PCDHGA3: variants seen among roughly 807,000 people sequenced by gnomAD.
The protein encoded by PCDHGA3 is protocadherin gamma subfamily A, 3.
PCDHGA3 carries 40 observed loss-of-function variants against 58.5 expected under a neutral mutation model. The ratio of observed to expected loss-of-function variants is 0.68; its 90% CI spans 0.53 to 0.89. The LOEUF is 0.89. Ranked by LOEUF, PCDHGA3 falls within the 40% of genes least tolerant of loss-of-function variation. The probability of loss-of-function intolerance (pLI) is 0.00; values close to 1 mark genes in which losing one functional copy is unlikely to be tolerated. For synonymous variants in PCDHGA3, 530 were observed against 525.7 expected (o/e 1.01, Z -0.11); for missense variants, 1,223 against 1,195.9 (o/e 1.02, Z -0.33).
In PCDHGA3 at chr5:141,476,737, G is replaced by A. The variant is rs1420138912; in HGVS notation, c.2425-18070G>A. ...AGCGCGCCCTGGACCGAGAACGGGA[G>A]CCTAGTCTCCAGTTAGTGCTGACGG... is the stretch of plus-strand genomic sequence containing the variant. On this transcript the variant is annotated intron_variant, in intron 1 of 3. Coordinates refer to ENST00000253812, the MANE Select transcript of PCDHGA3 (RefSeq NM_018916.4). This position sits in a 1 kb window ranked among gnomAD's most constrained non-coding sequence, Gnocchi z 7.6. The A allele has an allele frequency of 3.1e-6, 5 of 1,613,982 alleles. No individual in the cohort carries two copies. Among genetic ancestry groups the A allele is most frequent in the Non-Finnish European group, 4.2e-6 (5 of 1,180,038 alleles).
chr5:141,372,611 T>C, intron 1 of PCDHGA3: 5 of 1,613,998 alleles, frequency 3.1e-6, no homozygotes, highest in Non-Finnish European at 4.2e-6. Flanking sequence ...TACCTGGAGT[T>C]CTCCCCACCT....
chr5:141,445,245 T>C (rs2098460607), intron 1 of PCDHGA3, among the ~76,000 whole-genome samples: 1 of 152,212 alleles, frequency 6.6e-6, no homozygotes, highest in Non-Finnish European at 1.5e-5. Flanking sequence ...TTACACTATA[T>C]TGTGTGAGAA....
At chr5:141,400,003 C>G (rs2093938557) in intron 1 of PCDHGA3, 1 of 1,612,278 alleles carries the variant, frequency 6.2e-7, no homozygotes, top group Non-Finnish European at 8.5e-7. Context: ...GCGCACAGCG[C>G]GTGCCTTGGG....
rs562156266 is a variant in PCDHGA3, at chr5:141,467,826, T to C, written c.2425-26981T>C. On this transcript the variant is annotated intron_variant, in intron 1 of 3. Transcript: ENST00000253812. ...GGCACATGCCACCACACCAGGCTGA[T>C]TTTTATATTTTTTTGTAGAATGAGA... Among the ~76,000 whole-genome samples, 96 of 151,894 alleles carry C rather than the reference T, an allele frequency of 6.3e-4. 3 individuals carry two copies. Among genetic ancestry groups the C allele is most frequent in the Admixed American group, 6.2e-3 (95 of 15,236 alleles).
intron 1 of PCDHGA3, among the ~76,000 whole-genome samples, chr5:141,467,254 T>C (rs1291193879): frequency 2.0e-5 from 3 of 152,248 alleles, no homozygotes; most frequent in Admixed American, 6.5e-5. Flanking sequence ...GGTTTCACCA[T>C]GTTGGCCAGG....
At chr5:141,405,648 G>T (rs936380418) in intron 1 of PCDHGA3, 5 of 523,616 alleles carry the variant, frequency 9.5e-6, no homozygotes, top group African/African-American at 3.9e-5. Context: ...CTAATTTTTT[G>T]TGTGTTTTTA....
intron 1 of PCDHGA3, chr5:141,399,416 C>T: frequency 6.2e-7 from 1 of 1,614,046 alleles, no homozygotes; most frequent in African/African-American, 1.3e-5. Context: ...CCCCTCTCCT[C>T]CAGCATAAGC....
chr5:141,365,788 A>T, intron 1 of PCDHGA3: 1 of 1,613,878 alleles, frequency 6.2e-7, no homozygotes, highest in South Asian at 1.1e-5. Flanking sequence ...ACAACGCTCG[A>T]GTCACCTACT....
intron 1 of PCDHGA3, among the ~76,000 whole-genome samples, chr5:141,462,650 TC>T (rs1254671361): frequency 7.3e-6 from 1 of 137,262 alleles, no homozygotes; most frequent in African/African-American, 3.0e-5. Context: ...ATTTCCATCC[TC>T]AATTATCTTC....
chr5:141,348,789 G>T (rs1758180125), intron 1 of PCDHGA3, among the ~76,000 whole-genome samples: 2 of 152,184 alleles, frequency 1.3e-5, no homozygotes, highest in South Asian at 4.1e-4. Context: ...AAGTGAAAAG[G>T]TATCTTAAGA....
intron 1 of PCDHGA3, chr5:141,413,151 T>G (rs1192899612): frequency 6.4e-7 from 1 of 1,573,560 alleles, no homozygotes; most frequent in Non-Finnish European, 8.6e-7. Context: ...GTGAGGACTT[T>G]GCAGAATTCT....
rs372656276 is a variant in PCDHGA3, at chr5:141,415,107, A to G, written c.2424+68650A>G. ...TGCTGGACAGAGACGCGCTCAAGCA[A>G]AGCCTCGTAGTGGCCGTCCAGGACC... is the stretch of plus-strand genomic sequence containing the variant. On this transcript the variant is annotated intron_variant, in intron 1 of 3. Transcript: ENST00000253812. 1,052 of 1,613,570 alleles carry G rather than the reference A, an allele frequency of 6.5e-4. 7 individuals carry two copies. The African/African-American group carries it at 8.4e-3, about 13-fold the overall frequency.
At position 141,485,133 on chromosome 5, in the gene PCDHGA3, C is replaced by A; in HGVS notation, c.2425-9674C>A. On this transcript the variant is annotated intron_variant, in intron 1 of 3. Transcript: ENST00000253812. The surrounding 1 kb of genome is among the most constrained non-coding windows in gnomAD (Gnocchi z 5.7). Reference sequence around the variant, plus strand: ...GCTGTTTGGGGCGGGTCGGCTTCATCCGCGTCTCAGGAGCAAGTAGAGAAT... The same window carrying A: ...GCTGTTTGGGGCGGGTCGGCTTCATACGCGTCTCAGGAGCAAGTAGAGAAT... The A allele has an allele frequency of 2.7e-6, 4 of 1,492,492 alleles. No homozygotes were observed. The highest frequency in any genetic ancestry group is 1.7e-5 in the Admixed American group (1 of 58,334). The allele number at this position is 1,492,492 out of a possible 1,614,324, so 92.5% of individuals were successfully genotyped here.
intron 1 of PCDHGA3, chr5:141,423,421 G>A (rs772863950): frequency 1.2e-6 from 2 of 1,614,080 alleles, no homozygotes; most frequent in Non-Finnish European, 1.7e-6. Flanking sequence ...TTCTGAAGGC[G>A]GGTTGGCAGG....
chr5:141,353,400 T>C (rs1407556108), intron 1 of PCDHGA3, among the ~76,000 whole-genome samples: 1 of 152,244 alleles, frequency 6.6e-6, no homozygotes, highest in Admixed American at 6.5e-5. Context: ...GTAATTAATG[T>C]AATCTTCATC....
chr5:141,372,118 T>C (rs937548053), intron 1 of PCDHGA3: 3 of 1,613,628 alleles, frequency 1.9e-6, no homozygotes, highest in Non-Finnish European at 2.5e-6. Context: ...TCTGCGCTCT[T>C]CGATATGGTG....
At chr5:141,410,746 C>T in intron 1 of PCDHGA3, 1 of 1,269,920 alleles carries the variant, frequency 7.9e-7, no homozygotes, top group Non-Finnish European at 1.1e-6. Flanking sequence ...ACAATATTTT[C>T]TCAATGTTTT....
rs753030509 is a variant in PCDHGA3, at chr5:141,431,672, G to A, written c.2425-63135G>A. On this transcript the variant is annotated intron_variant, in intron 1 of 3. Transcript: ENST00000253812. The surrounding 1 kb of genome is among the most constrained non-coding windows in gnomAD (Gnocchi z 4.8). ...TAATTCAGGGACAATATCAACAATA[G>A]GGGAGTTGGACCACGAGGAGTCAGG... The A allele has an allele frequency of 9.3e-6, 15 of 1,614,110 alleles. No homozygotes were observed. Among genetic ancestry groups the A allele is most frequent in the African/African-American group, 4.0e-5 (3 of 74,948 alleles).
At chr5:141,367,311 G>C (rs1390904308) in intron 1 of PCDHGA3, 1 of 152,666 alleles carries the variant, frequency 6.6e-6, no homozygotes. Flanking sequence ...GGCTGAGGTG[G>C]GCGGATCACG....
Sources: gnomAD v4.1 joint callset for allele counts (sites outside exome capture counted in the v4.1 genomes callset) on GRCh38, gnomAD v4.1.1 for gene constraint, Gnocchi (gnomAD v3.1) non-coding constraint, MANE v1.5 for transcripts, NCBI Gene and HGNC (gene_info 2026-07-23, HGNC 2026-07-21) for gene names.